Variants in HSBP1 observed in about 807,000 individuals in gnomAD.
HSBP1 encodes heat shock factor binding protein 1, also known as heat shock factor-binding protein 1.
A neutral mutation model predicts 9.6 loss-of-function variants in HSBP1; 5 were observed. That is an observed-to-expected ratio of 0.52 (90% CI 0.27 to 1.09). The LOEUF (loss-of-function observed/expected upper bound fraction) is 1.09, where lower values mean the gene tolerates loss of function less well. HSBP1 is among the 50% of genes least tolerant of loss of function. HSBP1 has a pLI of 0.11. For synonymous variants in HSBP1, 42 were observed against 33.3 expected, an observed-to-expected ratio of 1.26 and a Z score of -0.90; for missense variants, 121 against 96.3, an observed-to-expected ratio of 1.26 and a Z score of -1.07.
intron 2 of HSBP1, 133 bp from the exon 3 acceptor site, chr16:83,809,172 G>T (rs1904537149): frequency 1.6e-6 from 1 of 638,074 alleles, no homozygotes; most frequent in South Asian, 1.9e-5. Context: ...TTACCCACCA[G>T]CGTGTAACAG....
rs1431413002 is a variant in HSBP1 at position 83,817,690 on chromosome 16, T to C, written c.*6272T>C. ...ACATATTAAATATCTTAAAGGTCTT[T>C]TATGCAGAATATGCAGTTAATTTTG... is the stretch of plus-strand genomic sequence containing the variant. On this transcript the variant is annotated 3_prime_UTR_variant, in exon 4 of 4. Coordinates refer to ENST00000433866, the MANE Select transcript of HSBP1 (RefSeq NM_001537.4). 6.6e-6 allele frequency: 1 copy of C among 152,220 alleles called. No individual in the cohort carries two copies. Among genetic ancestry groups the C allele is most frequent in the African/African-American group, 2.4e-5 (1 of 41,458 alleles). The allele number at this position is 152,220 out of a possible 1,614,324, so 9.4% of individuals were successfully genotyped here.
At position 83,813,537 on chromosome 16, in the gene HSBP1, G is replaced by A. The variant is rs959156474; in HGVS notation, c.*2119G>A. On this transcript the variant is annotated 3_prime_UTR_variant, in exon 4 of 4. Coordinates refer to ENST00000433866, the MANE Select transcript of HSBP1 (RefSeq NM_001537.4). ...GGGTCTTGCTGTGTTGCCCAGGCTG[G>A]TCTAGAACTCCTAGGCTCAAGCAGT... The A allele has an allele frequency of 1.3e-5, 2 of 152,550 alleles. No individual in the cohort carries two copies. Among genetic ancestry groups the A allele is most frequent in the African/African-American group, 4.8e-5 (2 of 41,414 alleles). 9.4% of individuals were successfully genotyped at this position (152,550 alleles called of 1,614,324 possible).
rs1015920072 is a variant in HSBP1 at position 83,818,076 on chromosome 16, G to C, written c.*6658G>C. On this transcript the variant is annotated 3_prime_UTR_variant, in exon 4 of 4. Transcript: ENST00000433866. ...CCATCTGTCAAAAGTACGCAGTCTT[G>C]CTTGTAGAATTTTAGAGGTTCATGG... The C allele has an allele frequency of 6.6e-6, 1 of 152,186 alleles. No individual in the cohort carries two copies. Among genetic ancestry groups the C allele is most frequent in the Non-Finnish European group, 1.5e-5 (1 of 68,046 alleles). 9.4% of individuals were successfully genotyped at this position (152,186 alleles called of 1,614,324 possible).
In HSBP1 at chr16:83,818,668, C is replaced by G. The variant is rs1030074765; in HGVS notation, c.*7250C>G. 3.3e-5 allele frequency: 5 copies of G among 152,178 alleles called. No individual in the cohort carries two copies. The highest frequency in any genetic ancestry group is 1.2e-4 in the African/African-American group (5 of 41,428). 9.4% of individuals were successfully genotyped at this position (152,178 alleles called of 1,614,324 possible). On this transcript the variant is annotated 3_prime_UTR_variant, in exon 4 of 4. Coordinates refer to ENST00000433866, the MANE Select transcript of HSBP1 (RefSeq NM_001537.4). ...AACCACCGTGATGTTCTCTTCTGGA[C>G]TCTTCGTAACCCCTTCAGCAGACGA...
At position 83,817,871 on chromosome 16, in the gene HSBP1, G is replaced by T. The variant is rs1226407560; in HGVS notation, c.*6453G>T. ...AAAGGACTGGACCGAATTATTCATGGAACAGAAGCCTAGGACTGGTAAGTC... is the reference window on the plus strand; with the variant it reads ...AAAGGACTGGACCGAATTATTCATGTAACAGAAGCCTAGGACTGGTAAGTC... On this transcript the variant is annotated 3_prime_UTR_variant, in exon 4 of 4. Coordinates refer to ENST00000433866, the MANE Select transcript of HSBP1 (RefSeq NM_001537.4). 6.6e-6 allele frequency: 1 copy of T among 152,278 alleles called. No individual in the cohort carries two copies. Among genetic ancestry groups the T allele is most frequent in the Non-Finnish European group, 1.5e-5 (1 of 68,024 alleles). The allele number at this position is 152,278 out of a possible 1,614,324, so 9.4% of individuals were successfully genotyped here.
chr16:83,815,312 C>T lies in HSBP1; in HGVS notation c.*3894C>T, dbSNP rs1297718653. On this transcript the variant is annotated 3_prime_UTR_variant, in exon 4 of 4. Coordinates refer to ENST00000433866, the MANE Select transcript of HSBP1 (RefSeq NM_001537.4). ...AGTATTTTAAAAAAGAAAAAAAGGC[C>T]AGCCTGGGCAATATACTGAGACTCC... 1 of 152,058 alleles carries T rather than the reference C, an allele frequency of 6.6e-6. No individual in the cohort carries two copies. The highest frequency in any genetic ancestry group is 2.4e-5 in the African/African-American group (1 of 41,396). 9.4% of individuals were successfully genotyped at this position (152,058 alleles called of 1,614,324 possible). A position where few individuals can be genotyped will look rare whatever the true frequency, so the allele number is the denominator to read the frequency against.
rs1348339057 is a variant in HSBP1, at chr16:83,815,832, A to G, written c.*4414A>G. 1 of 152,190 alleles carries G rather than the reference A, an allele frequency of 6.6e-6. No individual in the cohort carries two copies. The highest frequency in any genetic ancestry group is 3.2e-3 in the Middle Eastern group (1 of 316). 9.4% of individuals were successfully genotyped at this position (152,190 alleles called of 1,614,324 possible). The stretch of plus-strand genomic sequence containing the variant: ...ATAATCTTCGCAATAATGATCTAAT[A>G]ATGGTCAAATTCTGTGTCTCTACCG... On this transcript the variant is annotated 3_prime_UTR_variant, in exon 4 of 4. Transcript: ENST00000433866.
chr16:83,809,528 G>A, intron 3 of HSBP1, 103 bp downstream of exon 3: 1 of 616,928 alleles, frequency 1.6e-6, no homozygotes, highest in South Asian at 2.0e-5. Context: ...GAGTGCAATG[G>A]CACGATCTCG....
rs947331924 is a variant in HSBP1 at position 83,811,262 on chromosome 16, A to G, written c.*3-159A>G. Reference sequence around the variant, plus strand: ...GAAACTGACTCTGAAACTTTTAAAGATATTTCCAGTTAAATCTATTGCTAA... The same window carrying G: ...GAAACTGACTCTGAAACTTTTAAAGGTATTTCCAGTTAAATCTATTGCTAA... On this transcript the variant is annotated intron_variant, in intron 3 of 3. Coordinates refer to ENST00000433866, the MANE Select transcript of HSBP1 (RefSeq NM_001537.4). Among the ~76,000 whole-genome samples, 28 of 152,370 alleles carry G rather than the reference A, an allele frequency of 1.8e-4. 1 individual carries two copies. Among genetic ancestry groups the G allele is most frequent in the Middle Eastern group, 3.4e-3 (1 of 294 alleles).
In HSBP1 at chr16:83,814,050, T is replaced by A. The variant is rs1904663925; in HGVS notation, c.*2632T>A. The A allele has an allele frequency of 6.6e-6, 1 of 152,222 alleles. No individual in the cohort carries two copies. Among genetic ancestry groups the A allele is most frequent in the Non-Finnish European group, 1.5e-5 (1 of 68,004 alleles). 9.4% of individuals were successfully genotyped at this position (152,222 alleles called of 1,614,324 possible). On this transcript the variant is annotated 3_prime_UTR_variant, in exon 4 of 4. Transcript: ENST00000433866. ...GAACATAGAGTCCTCCAAACAAAAG[T>A]GAACTTTTTCAACATGCTGTTTGTA... is the stretch of plus-strand genomic sequence containing the variant.
rs1904602499 is a variant in HSBP1 at position 83,811,596 on chromosome 16, A to G, written c.*178A>G. On this transcript the variant is annotated 3_prime_UTR_variant, in exon 4 of 4. Transcript: ENST00000433866. ...TTCCCCCCAGTTTCTTGAACATGGT[A>G]TCTTCACATCTTGGACCTTGGTCAG... 1.3e-5 allele frequency: 2 copies of G among 152,236 alleles called. No homozygotes were observed. The highest frequency in any genetic ancestry group is 2.4e-5 in the African/African-American group (1 of 41,458). 9.4% of individuals were successfully genotyped at this position (152,236 alleles called of 1,614,324 possible).
At position 83,818,861 on chromosome 16, in the gene HSBP1, A is replaced by C. The variant is rs1904778178; in HGVS notation, c.*7443A>C. The C allele has an allele frequency of 6.6e-6, 1 of 152,196 alleles. No individual in the cohort carries two copies. Among genetic ancestry groups the C allele is most frequent in the Non-Finnish European group, 1.5e-5 (1 of 68,038 alleles). The allele number at this position is 152,196 out of a possible 1,614,324, so 9.4% of individuals were successfully genotyped here. A position where few individuals can be genotyped will look rare whatever the true frequency, so the allele number is the denominator to read the frequency against. On this transcript the variant is annotated 3_prime_UTR_variant, in exon 4 of 4. Coordinates refer to ENST00000433866, the MANE Select transcript of HSBP1 (RefSeq NM_001537.4). Reference sequence around the variant, plus strand: ...CGGATTTCAACAAAACATACATGGAAAGAATATTTTCTTCCTTGGAGACAT... The same window carrying C: ...CGGATTTCAACAAAACATACATGGACAGAATATTTTCTTCCTTGGAGACAT...
rs1904663061 is a variant in HSBP1, at chr16:83,814,023, G to A, written c.*2605G>A. 7.7e-6 allele frequency: 1 copy of A among 129,290 alleles called. No homozygotes were observed. Among genetic ancestry groups the A allele is most frequent in the East Asian group, 2.0e-4 (1 of 5,050 alleles). The allele number at this position is 129,290 out of a possible 1,614,324, so 8.0% of individuals were successfully genotyped here. A position where few individuals can be genotyped will look rare whatever the true frequency, so the allele number is the denominator to read the frequency against. ...CACACACTTAGAGCACTGTTGCTAT[G>A]GGAACATAGAGTCCTCCAAACAAAA... is the stretch of plus-strand genomic sequence containing the variant. On this transcript the variant is annotated 3_prime_UTR_variant, in exon 4 of 4. Coordinates refer to ENST00000433866, the MANE Select transcript of HSBP1 (RefSeq NM_001537.4).
rs1349624298 is a variant in HSBP1 at position 83,818,493 on chromosome 16, T to G, written c.*7075T>G. On this transcript the variant is annotated 3_prime_UTR_variant, in exon 4 of 4. Transcript: ENST00000433866. Reference sequence around the variant, plus strand: ...GTAATGCTTCCAACAAGTTACCGTTTAGCAAGTTCAGAACTTGAAGAATCC... The same window carrying G: ...GTAATGCTTCCAACAAGTTACCGTTGAGCAAGTTCAGAACTTGAAGAATCC... The G allele has an allele frequency of 6.6e-6, 1 of 152,228 alleles. No homozygotes were observed. The highest frequency in any genetic ancestry group is 2.4e-5 in the African/African-American group (1 of 41,452). The allele number at this position is 152,228 out of a possible 1,614,324, so 9.4% of individuals were successfully genotyped here.
In HSBP1 at chr16:83,817,241, C is replaced by G. The variant is rs1904741221; in HGVS notation, c.*5823C>G. 1 of 152,250 alleles carries G rather than the reference C, an allele frequency of 6.6e-6. No homozygotes were observed. The highest frequency in any genetic ancestry group is 1.5e-5 in the Non-Finnish European group (1 of 68,044). 9.4% of individuals were successfully genotyped at this position (152,250 alleles called of 1,614,324 possible). On this transcript the variant is annotated 3_prime_UTR_variant, in exon 4 of 4. Coordinates refer to ENST00000433866, the MANE Select transcript of HSBP1 (RefSeq NM_001537.4). ...GGGATTCCGCCACGCCCGTGTCAAC[C>G]CAGCTGACACGTCCAACTTGGACAA...
intron 1 of HSBP1, 80 bp from the exon 2 acceptor site, chr16:83,808,600 G>A (rs1203004611): frequency 2.6e-6 from 3 of 1,138,700 alleles, no homozygotes; most frequent in Admixed American, 4.1e-5. Flanking sequence ...GGAACCCCGG[G>A]ACCAGGGCTT....
In HSBP1 at chr16:83,818,407, C is replaced by A. The variant is rs999169620; in HGVS notation, c.*6989C>A. 1 of 152,202 alleles carries A rather than the reference C, an allele frequency of 6.6e-6. No individual in the cohort carries two copies. Among genetic ancestry groups the A allele is most frequent in the Non-Finnish European group, 1.5e-5 (1 of 68,028 alleles). The allele number at this position is 152,202 out of a possible 1,614,324, so 9.4% of individuals were successfully genotyped here. A position where few individuals can be genotyped will look rare whatever the true frequency, so the allele number is the denominator to read the frequency against. Reference sequence around the variant, plus strand: ...GTTCCCTGCCATCCACTCTGCCAGACATTTCTTGGATTTATTCAAGCTGAC... The same window carrying A: ...GTTCCCTGCCATCCACTCTGCCAGAAATTTCTTGGATTTATTCAAGCTGAC... On this transcript the variant is annotated 3_prime_UTR_variant, in exon 4 of 4. Coordinates refer to ENST00000433866, the MANE Select transcript of HSBP1 (RefSeq NM_001537.4).
chr16:83,808,589 T>A (rs1904518868), intron 1 of HSBP1, 91 bp from the exon 2 acceptor site: 10 of 997,382 alleles, frequency 1.0e-5, no homozygotes, highest in Admixed American at 6.5e-5. Context: ...GAAATGGGGC[T>A]GGAACCCCGG....
chr16:83,808,484 G>A, intron 1 of HSBP1, 196 bp from the exon 2 acceptor site: 1 of 583,386 alleles, frequency 1.7e-6, no homozygotes, highest in Non-Finnish European at 3.1e-6. Flanking sequence ...GAGTCGCAGC[G>A]GCCTCCCCAG....
Sources: gnomAD v4.1 joint callset for allele counts (sites outside exome capture counted in the v4.1 genomes callset) on GRCh38, gnomAD v4.1.1 for gene constraint, MANE v1.5 for transcripts, NCBI Gene and HGNC (gene_info 2026-07-23, HGNC 2026-07-21) for gene names.